Variants in GRID2 observed in about 807,000 individuals in gnomAD.
The protein encoded by GRID2 is glutamate ionotropic receptor delta type subunit 2.
In GRID2, 33 loss-of-function variants were observed where a neutral mutation model predicts 114.8. That is an observed-to-expected ratio of 0.29 (90% CI 0.22 to 0.38). GRID2 has a LOEUF of 0.38. GRID2 is among the 10% of genes least tolerant of loss of function. The pLI is 1.00. For synonymous variants in GRID2, 505 were observed against 449.9 expected (o/e 1.12, Z -1.55); for missense variants, 1,184 against 1,257.7 (o/e 0.94, Z 0.89).
intron 2 of GRID2, among the ~76,000 whole-genome samples, chr4:93,083,053 G>A (rs565035065): frequency 7.2e-5 from 11 of 152,070 alleles, no homozygotes; most frequent in Admixed American, 2.6e-4. Flanking sequence ...TAAATTTTGT[G>A]GTAGAAGTAT....
intron 2 of GRID2, among the ~76,000 whole-genome samples, chr4:92,725,002 A>C (rs574860732): frequency 1.3e-5 from 2 of 152,212 alleles, no homozygotes; most frequent in East Asian, 1.9e-4. Context: ...CCGTTTATTA[A>C]GAATAAGGAG....
intron 2 of GRID2, among the ~76,000 whole-genome samples, chr4:92,668,267 G>T (rs754479952): frequency 9.2e-5 from 14 of 151,738 alleles, no homozygotes; most frequent in Non-Finnish European, 1.5e-4. Context: ...TGAAATGAAT[G>T]TCCATACTTT....
intron 14 of GRID2, among the ~76,000 whole-genome samples, chr4:93,666,723 G>A (rs1723981560): frequency 6.6e-6 from 1 of 151,916 alleles, no homozygotes; most frequent in Non-Finnish European, 1.5e-5. Flanking sequence ...AGAAGTCTCT[G>A]GATCTTACAT....
chr4:92,909,891 TAAAAG>T (rs1418488351), intron 2 of GRID2, among the ~76,000 whole-genome samples: 2 of 152,130 alleles, frequency 1.3e-5, no homozygotes, highest in Admixed American at 6.6e-5. Flanking sequence ...TTGGAATTGT[TAAAAG>T]AAAGCAAATT....
chr4:92,573,298 A>C (rs1257655272), intron 1 of GRID2, among the ~76,000 whole-genome samples: 1 of 151,744 alleles, frequency 6.6e-6, no homozygotes, highest in Non-Finnish European at 1.5e-5. Context: ...AGGGTTTTTC[A>C]TGTCTCTATC....
chr4:92,603,835 A>G (rs1365899547), intron 2 of GRID2, among the ~76,000 whole-genome samples: 1 of 152,142 alleles, frequency 6.6e-6, no homozygotes. Flanking sequence ...AAACAAATTT[A>G]GAAGAGAAAA....
intron 1 of GRID2, among the ~76,000 whole-genome samples, chr4:92,480,167 T>C (rs1722512289): frequency 6.6e-6 from 1 of 152,102 alleles, no homozygotes. Context: ...TTTACATGAA[T>C]TTGTTAGAGT....
At chr4:92,826,721 AAATT>A (rs1481416396) in intron 2 of GRID2, among the ~76,000 whole-genome samples, 1 of 152,152 alleles carries the variant, frequency 6.6e-6, no homozygotes, top group African/African-American at 2.4e-5. Flanking sequence ...CAACATATTT[AAATT>A]AATTTAGTAC....
At chr4:93,614,984 G>C (rs1291113225) in intron 13 of GRID2, among the ~76,000 whole-genome samples, 2 of 152,088 alleles carry the variant, frequency 1.3e-5, no homozygotes. Context: ...CTTTTATTCA[G>C]TTGTAGAACT....
At chr4:93,420,348 C>A (rs1768137525) in intron 9 of GRID2, among the ~76,000 whole-genome samples, 1 of 152,124 alleles carries the variant, frequency 6.6e-6, no homozygotes, top group Non-Finnish European at 1.5e-5. Context: ...ATTCTAATCA[C>A]CTCAGGACCA....
intron 8 of GRID2, among the ~76,000 whole-genome samples, chr4:93,263,597 A>G (rs1750490264): frequency 6.6e-6 from 1 of 152,126 alleles, no homozygotes; most frequent in Admixed American, 6.6e-5. Flanking sequence ...TATTTGAATT[A>G]AATAGATGAC....
At chr4:93,554,518 T>C (rs1037271942) in intron 13 of GRID2, among the ~76,000 whole-genome samples, 1 of 152,196 alleles carries the variant, frequency 6.6e-6, no homozygotes, top group Non-Finnish European at 1.5e-5. Context: ...ACACAAGATA[T>C]AATGTGTAAT....
chr4:92,740,509 A>G (rs551790611), intron 2 of GRID2, among the ~76,000 whole-genome samples: 144 of 152,316 alleles, frequency 9.5e-4, no homozygotes, highest in African/African-American at 3.3e-3. Flanking sequence ...GTACAACTCA[A>G]TCCATGTAAG....
chr4:93,345,023 A>G (rs1760075258), intron 8 of GRID2, among the ~76,000 whole-genome samples: 3 of 117,666 alleles, frequency 2.5e-5, no homozygotes, highest in South Asian at 5.8e-4. Flanking sequence ...GTGTGTGTGT[A>G]GCTCACATTT....
intron 8 of GRID2, among the ~76,000 whole-genome samples, chr4:93,347,033 C>A (rs1198425368): frequency 6.6e-6 from 1 of 152,054 alleles, no homozygotes; most frequent in Non-Finnish European, 1.5e-5. Context: ...ATCTTTCGGT[C>A]TTTCCTTGCC....
chr4:93,436,106 G>T (rs1352009804), intron 10 of GRID2, among the ~76,000 whole-genome samples: 1 of 152,116 alleles, frequency 6.6e-6, no homozygotes, highest in Non-Finnish European at 1.5e-5. Context: ...GAAGTGAAAA[G>T]ATAATTTAAT....
Position 93,740,946 on chromosome 4 carries a change from G to C in GRID2, c.2361-28264G>C, listed in dbSNP as rs377512124. Among the ~76,000 whole-genome samples, 342 of 151,044 alleles carry C rather than the reference G, an allele frequency of 2.3e-3. 3 individuals carry two copies. In the South Asian group the frequency reaches 0.036, roughly 16 times the overall value. On this transcript the variant is annotated intron_variant, in intron 14 of 15. Transcript: ENST00000282020. ...CTTCTGTCCTACTTACCTGCAAGGA[G>C]TATTATGGAGCTGAATTAAGATAAT...
intron 14 of GRID2, among the ~76,000 whole-genome samples, chr4:93,752,895 A>G (rs761816375): frequency 2.0e-5 from 3 of 152,138 alleles, no homozygotes; most frequent in African/African-American, 4.8e-5. Flanking sequence ...TGCTCACTCA[A>G]CACCTGGTAT....
At chr4:93,684,089 C>G (rs1392491907) in intron 14 of GRID2, among the ~76,000 whole-genome samples, 2 of 152,074 alleles carry the variant, frequency 1.3e-5, no homozygotes, top group Non-Finnish European at 2.9e-5. Flanking sequence ...TCTATACACA[C>G]CTATTCATAC....
Sources: gnomAD v4.1 joint callset for allele counts (sites outside exome capture counted in the v4.1 genomes callset) on GRCh38, gnomAD v4.1.1 for gene constraint, MANE v1.5 for transcripts, NCBI Gene and HGNC (gene_info 2026-07-23, HGNC 2026-07-21) for gene names.